Variants in HECW1 observed in about 807,000 individuals in gnomAD.
HECW1 encodes the protein E3 ubiquitin-protein ligase HECW1.
HECW1 carries 61 observed loss-of-function variants against 182.3 expected under a neutral mutation model. The observed-to-expected ratio is 0.33, with a 90% CI of 0.27 to 0.41. The LOEUF is 0.41. Ranked by LOEUF, HECW1 falls within the 10% of genes least tolerant of loss-of-function variation. The pLI is 1.00. For missense variants in HECW1, 1,739 were observed against 2,108.9 expected, an observed-to-expected ratio of 0.82 and a Z score of 3.44; for synonymous variants, 859 against 832.6, an observed-to-expected ratio of 1.03 and a Z score of -0.55.
At chr7:43,149,891 C>CA (rs1789113020) in intron 2 of HECW1, among the ~76,000 whole-genome samples, 2 of 151,676 alleles carry the variant, frequency 1.3e-5, no homozygotes, top group South Asian at 4.2e-4. Context: ...CTTTTTTCAT[C>CA]AAAAAAAGTA....
At chr7:43,195,445 G>C (rs1794367620) in intron 2 of HECW1, among the ~76,000 whole-genome samples, 1 of 152,198 alleles carries the variant, frequency 6.6e-6, no homozygotes, top group Non-Finnish European at 1.5e-5. Context: ...CACAGCCACA[G>C]GGCGGCAGAT....
At chr7:43,457,514 T>G (rs937525814) in intron 13 of HECW1, among the ~76,000 whole-genome samples, 1 of 152,186 alleles carries the variant, frequency 6.6e-6, no homozygotes, top group African/African-American at 2.4e-5. Context: ...GGCTCACGCC[T>G]GTAATCCCAG....
intron 3 of HECW1, among the ~76,000 whole-genome samples, chr7:43,311,166 A>T (rs1440318435): frequency 1.3e-5 from 2 of 152,256 alleles, no homozygotes; most frequent in African/African-American, 4.8e-5. Context: ...ATTGAAAATC[A>T]TCGTATTCAA....
At chr7:43,363,632 C>A (rs757498801) in intron 6 of HECW1, among the ~76,000 whole-genome samples, 1 of 152,116 alleles carries the variant, frequency 6.6e-6, no homozygotes, top group Non-Finnish European at 1.5e-5. Context: ...AAAATGAGTC[C>A]CTGGAGTCCC....
At chr7:43,492,886 G>A (rs2078982288) in intron 18 of HECW1, among the ~76,000 whole-genome samples, 198 bp from the exon 19 acceptor site, 2 of 152,158 alleles carry the variant, frequency 1.3e-5, no homozygotes, top group African/African-American at 4.8e-5. Context: ...TTCACTTTTA[G>A]TTTGATCCCT....
chr7:43,125,335 A>G (rs1196743577), intron 2 of HECW1, among the ~76,000 whole-genome samples: 1 of 152,186 alleles, frequency 6.6e-6, no homozygotes, highest in Admixed American at 6.5e-5. Context: ...TCGAATAACT[A>G]AAATCTGAAT....
At chr7:43,219,201 G>A (rs1344613442) in intron 2 of HECW1, among the ~76,000 whole-genome samples, 2 of 152,116 alleles carry the variant, frequency 1.3e-5, no homozygotes, top group African/African-American at 4.8e-5. Flanking sequence ...AAGGGCAAGA[G>A]GACAACAGTG....
At chr7:43,180,452 G>A (rs1402443809) in intron 2 of HECW1, among the ~76,000 whole-genome samples, 1 of 152,088 alleles carries the variant, frequency 6.6e-6, no homozygotes, top group Non-Finnish European at 1.5e-5. Context: ...CTGGAGTGCA[G>A]TGGTGCGATC....
intron 3 of HECW1, among the ~76,000 whole-genome samples, chr7:43,269,091 C>CTGGA (rs1562761719): frequency 6.6e-6 from 1 of 152,212 alleles, no homozygotes; most frequent in Non-Finnish European, 1.5e-5. Context: ...TCCCTCACCA[C>CTGGA]TGAAATATTT....
intron 7 of HECW1, among the ~76,000 whole-genome samples, chr7:43,401,577 T>TTTG (rs1228792763): frequency 2.7e-5 from 4 of 148,968 alleles, no homozygotes; most frequent in African/African-American, 9.9e-5. Context: ...GTTTTTTTTT[T>TTTG]TTTTTTTTTC....
chr7:43,435,965 C>A (rs1030688808), intron 8 of HECW1, among the ~76,000 whole-genome samples: 22 of 152,206 alleles, frequency 1.4e-4, no homozygotes, highest in African/African-American at 4.6e-4. Context: ...GAGATGGAGA[C>A]CATCCTGGCT....
chr7:43,451,719 C>T (rs1169233493), intron 12 of HECW1, among the ~76,000 whole-genome samples: 1 of 152,036 alleles, frequency 6.6e-6, no homozygotes, highest in Non-Finnish European at 1.5e-5. Context: ...AAATTGATAC[C>T]CCAGACATTA....
chr7:43,429,309 T>C (rs1210384735), intron 8 of HECW1, among the ~76,000 whole-genome samples: 2 of 67,008 alleles, frequency 3.0e-5, no homozygotes, highest in East Asian at 4.3e-4. Context: ...TATATATATA[T>C]ATATATATAT....
rs1562813944 is a variant in HECW1, at chr7:43,308,310, TTATATATTATATGATATATTTA to T, written c.28-3424_28-3403del. On this transcript the variant is annotated intron_variant, in intron 3 of 29. Coordinates refer to ENST00000395891, the MANE Select transcript of HECW1 (RefSeq NM_015052.5). ...TATTTATATATATTATATGATATATTTATATATTATATGATATATTTATATATATTATATGATATATTTATAT... is the reference window on the plus strand; with the variant it reads ...TATTTATATATATTATATGATATATTTATATATTATATGATATATTTATAT... Among the ~76,000 whole-genome samples the T allele has an allele frequency of 3.8e-4, 46 of 122,014 alleles. 1 individual carries two copies. In the South Asian group the frequency reaches 9.8e-3, roughly 26 times the overall value. 80.0% of individuals were successfully genotyped at this position (122,014 alleles called of 152,430 possible).
chr7:43,325,481 A>G (rs1184177221), intron 5 of HECW1, among the ~76,000 whole-genome samples: 1 of 152,068 alleles, frequency 6.6e-6, no homozygotes, highest in African/African-American at 2.4e-5. Flanking sequence ...TCCTGTCTTG[A>G]TCTCTGGCCA....
chr7:43,168,116 G>A (rs1247200674), intron 2 of HECW1, among the ~76,000 whole-genome samples: 7 of 152,160 alleles, frequency 4.6e-5, no homozygotes, highest in South Asian at 4.1e-4. Context: ...ATTTGTGTAC[G>A]TGTCGTGAGG....
chr7:43,552,105 CA>C (rs1274692906), intron 27 of HECW1, 116 bp from the exon 28 acceptor site: 12 of 671,206 alleles, frequency 1.8e-5, no homozygotes, highest in Admixed American at 4.8e-5. Flanking sequence ...ATTACAGACT[CA>C]AAAAAAGTAT....
intron 3 of HECW1, among the ~76,000 whole-genome samples, chr7:43,305,152 T>G (rs1807393640): frequency 6.6e-6 from 1 of 152,198 alleles, no homozygotes; most frequent in Non-Finnish European, 1.5e-5. Flanking sequence ...ACTCTCTTCC[T>G]GCGATGACCT....
chr7:43,497,927 G>A (rs917507589), intron 19 of HECW1, among the ~76,000 whole-genome samples: 18 of 152,104 alleles, frequency 1.2e-4, no homozygotes, highest in African/African-American at 4.1e-4. Flanking sequence ...AGCCACAAGC[G>A]GCTTCAAATG....
Sources: allele counts gnomAD v4.1 joint callset (sites outside exome capture counted in the v4.1 genomes callset), GRCh38; gene constraint gnomAD v4.1.1; transcripts MANE v1.5; gene names NCBI Gene and HGNC (gene_info 2026-07-23, HGNC 2026-07-21).